Variants in ZBTB7C observed in about 807,000 individuals in gnomAD.
The protein encoded by ZBTB7C is zinc finger and BTB domain containing 7C.
Under a neutral mutation model 25.7 loss-of-function variants are expected in ZBTB7C, and 8 were observed. The observed-to-expected ratio is 0.31, with a 90% confidence interval of 0.18 to 0.56. The LOEUF is 0.56. Ranked by LOEUF, ZBTB7C falls within the 20% of genes least tolerant of loss-of-function variation. The probability of loss-of-function intolerance (pLI) is 0.91; values close to 1 mark genes in which losing one functional copy is unlikely to be tolerated. For missense variants in ZBTB7C, 824 were observed against 855.2 expected (o/e 0.96, Z 0.46); for synonymous variants, 394 against 369.0 (o/e 1.07, Z -0.78).
chr18:48,129,688 A>G (rs979974009), intron 3 of ZBTB7C, among the ~76,000 whole-genome samples: 8 of 152,222 alleles, frequency 5.3e-5, no homozygotes, highest in African/African-American at 1.9e-4. Flanking sequence ...ACGGCACTGC[A>G]TGGAGGCCTG....
chr18:48,308,710 G>C (rs150734217), intron 2 of ZBTB7C, among the ~76,000 whole-genome samples: 1 of 152,200 alleles, frequency 6.6e-6, no homozygotes, highest in Non-Finnish European at 1.5e-5. Flanking sequence ...AGTACCAGTG[G>C]ACCATACCTT....
intron 3 of ZBTB7C, among the ~76,000 whole-genome samples, chr18:48,096,458 A>C (rs910963360): frequency 6.6e-6 from 1 of 152,248 alleles, no homozygotes; most frequent in Non-Finnish European, 1.5e-5. Flanking sequence ...CCTGTGCTCC[A>C]GTATGACTTT....
chr18:48,335,180 G>T (rs1880694756), intron 2 of ZBTB7C, among the ~76,000 whole-genome samples: 1 of 152,252 alleles, frequency 6.6e-6, no homozygotes, highest in Non-Finnish European at 1.5e-5. Flanking sequence ...TGCAAAGGGA[G>T]AGTGGAGACA....
intron 2 of ZBTB7C, among the ~76,000 whole-genome samples, chr18:48,297,349 G>T (rs993160273): frequency 6.6e-6 from 1 of 152,114 alleles, no homozygotes; most frequent in African/African-American, 2.4e-5. Context: ...TTTGGATTTT[G>T]TTTGTATAGA....
At chr18:48,393,490 C>T (rs993819099) in intron 1 of ZBTB7C, among the ~76,000 whole-genome samples, 11 of 152,148 alleles carry the variant, frequency 7.2e-5, no homozygotes, top group Admixed American at 2.0e-4. Context: ...AAAGTGAATT[C>T]TATGGCATGT....
At chr18:48,278,914 T>A (rs1036161869) in intron 2 of ZBTB7C, among the ~76,000 whole-genome samples, 2 of 151,914 alleles carry the variant, frequency 1.3e-5, no homozygotes, top group African/African-American at 4.8e-5. Flanking sequence ...ATTTTGTTTC[T>A]GGATTTTTCT....
intron 2 of ZBTB7C, among the ~76,000 whole-genome samples, chr18:48,291,919 C>T (rs2097097): frequency 0.18 from 27,447 of 152,068 alleles, 3,188 homozygotes; most frequent in East Asian, 0.38. Context: ...TACCATTAGC[C>T]GGGCGTGGTG....
At chr18:48,270,377 G>A (rs948563589) in intron 2 of ZBTB7C, among the ~76,000 whole-genome samples, 9 of 150,486 alleles carry the variant, frequency 6.0e-5, no homozygotes, top group East Asian at 2.0e-4. Context: ...GACTAAAGGC[G>A]TGTGCCACCA....
At chr18:48,409,014 G>T (rs2048346452) in intron 1 of ZBTB7C, among the ~76,000 whole-genome samples, 1 of 142,650 alleles carries the variant, frequency 7.0e-6, no homozygotes, top group African/African-American at 2.6e-5. Context: ...CCTGCCCACC[G>T]CGCGGAGGGC....
chr18:48,127,131 T>G (rs943077788), intron 3 of ZBTB7C, among the ~76,000 whole-genome samples: 2 of 152,006 alleles, frequency 1.3e-5, no homozygotes, highest in African/African-American at 4.8e-5. Flanking sequence ...CCATCCCCAT[T>G]TTGCAAATGG....
chr18:48,121,991 C>CCCCAGGGACA (rs2039646055), intron 3 of ZBTB7C, among the ~76,000 whole-genome samples: 1 of 152,198 alleles, frequency 6.6e-6, no homozygotes, highest in Non-Finnish European at 1.5e-5. Flanking sequence ...CAGTGACATG[C>CCCCAGGGACA]TGCAGTCCCT....
At chr18:48,190,037 G>A (rs944690231) in intron 2 of ZBTB7C, among the ~76,000 whole-genome samples, 2 of 152,150 alleles carry the variant, frequency 1.3e-5, no homozygotes, top group Admixed American at 1.3e-4. Context: ...CTTGGCCCTT[G>A]ACCAGAGTGC....
In ZBTB7C at chr18:48,109,709, AG is replaced by A. The variant is rs548508028; in HGVS notation, c.-16-68587del. On this transcript the variant is annotated intron_variant, in intron 3 of 4. Coordinates refer to ENST00000590800, the MANE Select transcript of ZBTB7C (RefSeq NM_001318841.2). ...CTGAGGCAGGGCCTGCAGAGGAGGG[AG>A]GGGGCAAGGGCTGCGGAGGTGCATT... Among the ~76,000 whole-genome samples, 12 of 152,252 alleles carry A rather than the reference AG, an allele frequency of 7.9e-5. No individual in the cohort carries two copies. In the South Asian group the frequency reaches 1.0e-3, roughly 13 times the overall value.
intron 1 of ZBTB7C, among the ~76,000 whole-genome samples, chr18:48,373,690 T>G (rs553387970): frequency 5.3e-4 from 81 of 152,258 alleles, no homozygotes; most frequent in African/African-American, 1.8e-3. Context: ...GGCCGGGCAC[T>G]ATGGCTCACG....
At chr18:48,375,966 A>G (rs1326852885) in intron 1 of ZBTB7C, among the ~76,000 whole-genome samples, 1 of 152,182 alleles carries the variant, frequency 6.6e-6, no homozygotes, top group Non-Finnish European at 1.5e-5. Context: ...AATCTTTAAG[A>G]GCAGTGTTTC....
chr18:48,349,416 T>A (rs1372507708), intron 1 of ZBTB7C, among the ~76,000 whole-genome samples: 1 of 152,182 alleles, frequency 6.6e-6, no homozygotes, highest in Non-Finnish European at 1.5e-5. Context: ...AGAGGCTGCA[T>A]ATGTGTTTTA....
At chr18:48,085,157 G>A (rs1429095785) in intron 3 of ZBTB7C, among the ~76,000 whole-genome samples, 1 of 152,124 alleles carries the variant, frequency 6.6e-6, no homozygotes, top group Non-Finnish European at 1.5e-5. Context: ...GGCAGGGCGG[G>A]TGGGGGTAGG....
intron 2 of ZBTB7C, among the ~76,000 whole-genome samples, chr18:48,209,023 A>G (rs1372545201): frequency 6.6e-6 from 1 of 152,238 alleles, no homozygotes; most frequent in African/African-American, 2.4e-5. Context: ...CAGCCTGGCA[A>G]AAACAGCAGC....
chr18:48,081,450 TTTTTCTTTTTC>T (rs140464871), intron 3 of ZBTB7C, among the ~76,000 whole-genome samples: 22,368 of 150,318 alleles, frequency 0.15, 2,049 homozygotes, highest in South Asian at 0.22. Flanking sequence ...TTTCTTTTTC[TTTTTCTTTTTC>T]TTTTTTTTTT....
Sources: gnomAD v4.1 joint callset for allele counts (sites outside exome capture counted in the v4.1 genomes callset) on GRCh38, gnomAD v4.1.1 for gene constraint, MANE v1.5 for transcripts, NCBI Gene and HGNC (gene_info 2026-07-23, HGNC 2026-07-21) for gene names.